Variants in PARP6 observed in about 807,000 individuals in gnomAD.
The protein encoded by PARP6 is poly(ADP-ribose) polymerase family member 6, also known as protein mono-ADP-ribosyltransferase PARP6.
Under a neutral mutation model 92.0 loss-of-function variants are expected in PARP6, and 27 were observed. The observed-to-expected ratio is 0.29, with a 90% CI of 0.22 to 0.40. The LOEUF is 0.40. Among genes scored for constraint, PARP6 ranks in the 10% least tolerant of loss-of-function variants. The pLI is 1.00. For synonymous variants in PARP6, 272 were observed against 281.2 expected, an observed-to-expected ratio of 0.97 and a Z score of 0.33; for missense variants, 501 against 784.5, an observed-to-expected ratio of 0.64 and a Z score of 4.32.
At chr15:72,250,260 T>C in intron 18 of PARP6, 168 bp from the exon 19 acceptor site, 1 of 609,584 alleles carries the variant, frequency 1.6e-6, no homozygotes, top group Non-Finnish European at 3.1e-6. Context: ...AAGATGTGTG[T>C]GTGTGGTTAA....
Position 72,251,235 on chromosome 15 carries a change from G to T in PARP6, c.1280C>A (p.Ser427Ter). 6.3e-7 allele frequency: 1 copy of T among 1,596,692 alleles called. No individual in the cohort carries two copies. The highest frequency in any genetic ancestry group is 8.6e-7 in the Non-Finnish European group (1 of 1,164,840). ...LLQWIISSNR[S>*]HIVKLPLSRL... is the part of the protein sequence containing the mutation. ...GCTGAGAGGTAGTTTGACAATGTGT[G>T]ACCTGTTGCTAGAGATGATCCTGGG... The change falls in exon 17 of 24, where the codon TCA becomes TAA. Residue 427 changes from serine to a stop codon, truncating the protein, a stop_gained. Coordinates refer to ENST00000569795, the MANE Select transcript of PARP6 (RefSeq NM_001323532.2). LOFTEE classifies it high-confidence loss of function.
chr15:72,266,837 T>C lies in PARP6; in HGVS notation c.4-15A>G. 6.3e-7 allele frequency: 1 copy of C among 1,599,264 alleles called. No individual in the cohort carries two copies. Among genetic ancestry groups the C allele is most frequent in the Non-Finnish European group, 8.6e-7 (1 of 1,166,528 alleles). ...CCTTTGATGTCCTAGTGGTGAGAAA[T>C]AAGGATATCATGCTTTGTTAGGTCC... On this transcript the variant is annotated splice_polypyrimidine_tract_variant and intron_variant, in intron 3 of 23. Coordinates refer to ENST00000569795, the MANE Select transcript of PARP6 (RefSeq NM_001323532.2).
chr15:72,266,445 T>TG (rs2086601184), intron 4 of PARP6, among the ~76,000 whole-genome samples: 1 of 152,170 alleles, frequency 6.6e-6, no homozygotes, highest in South Asian at 2.1e-4. Context: ...TTTTAAGATG[T>TG]GACCCTAATG....
At chr15:72,250,823 G>GCCCACCCCCCC in intron 18 of PARP6, 22 bp downstream of exon 18, 1 of 1,219,502 alleles carries the variant, frequency 8.2e-7, no homozygotes, top group Non-Finnish European at 1.2e-6. Context: ...CACCCCCACT[G>GCCCACCCCCCC]CCCAGCCCCC....
Position 72,254,532 on chromosome 15 carries a change from C to A in PARP6, c.1126-12G>T. The A allele has an allele frequency of 6.2e-7, 1 of 1,601,698 alleles. No homozygotes were observed. Among genetic ancestry groups the A allele is most frequent in the South Asian group, 1.1e-5 (1 of 90,792 alleles). On this transcript the variant is annotated splice_polypyrimidine_tract_variant and intron_variant, in intron 14 of 23. Coordinates refer to ENST00000569795, the MANE Select transcript of PARP6 (RefSeq NM_001323532.2). The stretch of plus-strand genomic sequence containing the variant: ...TCATAATTCTTCTTCTGTGGAGAAT[C>A]AATGGGAAGAGAAGAACCAAATAAA...
chr15:72,249,655 C>T (rs1377565957), intron 19 of PARP6, among the ~76,000 whole-genome samples: 1 of 152,250 alleles, frequency 6.6e-6, no homozygotes, highest in Non-Finnish European at 1.5e-5. Context: ...GGCCAATACA[C>T]ACTCCCTGGA....
chr15:72,252,636 C>T (rs1171073887), intron 16 of PARP6, among the ~76,000 whole-genome samples: 3 of 152,042 alleles, frequency 2.0e-5, no homozygotes, highest in African/African-American at 4.8e-5. Flanking sequence ...CAGGCATGGG[C>T]CACCATGCCC....
chr15:72,253,837 T>C (rs2084694043), intron 15 of PARP6: 1 of 486,654 alleles, frequency 2.1e-6, no homozygotes, highest in Middle Eastern at 3.1e-4. Context: ...AATCCTGTGG[T>C]AAATCTTTAA....
chr15:72,267,909 G>T (rs1015923991), intron 2 of PARP6, among the ~76,000 whole-genome samples: 3 of 152,010 alleles, frequency 2.0e-5, no homozygotes, highest in African/African-American at 7.2e-5. Flanking sequence ...CTGCTGCCAC[G>T]CCCAGCTAAT....
chr15:72,272,540 CGAGCGGCCCGGGACGCCCCGCGGGGGCG>C (rs897528406), exon 1 of PARP6: 12 of 150,864 alleles, frequency 8.0e-5, no homozygotes, highest in South Asian at 4.1e-4. Context: ...GCCGACGGGA[CGAGCGGCCCGGGACGCCCCGCGGGGGCG>C]GAGCGGCAGG....
intron 2 of PARP6, among the ~76,000 whole-genome samples, chr15:72,268,886 C>T (rs536228303): frequency 6.6e-6 from 1 of 152,132 alleles, no homozygotes; most frequent in Non-Finnish European, 1.5e-5. Context: ...ATTCCCTGCT[C>T]GCTTCTAATC....
At chr15:72,254,901 GC>G (rs1202810992) in intron 14 of PARP6, among the ~76,000 whole-genome samples, 21 of 152,252 alleles carry the variant, frequency 1.4e-4, no homozygotes, top group Admixed American at 3.9e-4. Context: ...ACTTGACTGG[GC>G]CATGAGGTAC....
At chr15:72,244,963 T>C (rs2083435544) in intron 20 of PARP6, 1 of 154,064 alleles carries the variant, frequency 6.5e-6, no homozygotes, top group Non-Finnish European at 1.4e-5. Flanking sequence ...ACATCTTAAA[T>C]GGATGGTGGC....
intron 2 of PARP6, among the ~76,000 whole-genome samples, chr15:72,269,899 CAAAAA>C (rs59023007): frequency 4.0e-5 from 4 of 100,218 alleles, no homozygotes; most frequent in Admixed American, 1.1e-4. Flanking sequence ...AACTCTGTCT[CAAAAA>C]AAAAAAAAAA....
At chr15:72,249,984 C>A in intron 19 of PARP6, 36 bp downstream of exon 19, 7 of 1,354,108 alleles carry the variant, frequency 5.2e-6, no homozygotes, top group Non-Finnish European at 7.4e-6. Context: ...GGGAAGGGAG[C>A]GGTTAGAAAT....
At chr15:72,268,554 TG>T (rs1407132026) in intron 2 of PARP6, among the ~76,000 whole-genome samples, 1 of 152,126 alleles carries the variant, frequency 6.6e-6, no homozygotes, top group Non-Finnish European at 1.5e-5. Flanking sequence ...CAAACTTAGC[TG>T]GGTGTGGTGG....
In PARP6 at chr15:72,272,420, A is replaced by G. The variant is rs1430472121; in HGVS notation, c.-487T>C. The G allele has an allele frequency of 5.3e-5, 8 of 152,312 alleles. No individual in the cohort carries two copies. Among genetic ancestry groups the G allele is most frequent in the Admixed American group, 3.3e-4 (5 of 15,274 alleles). The allele number at this position is 152,312 out of a possible 1,614,324, so 9.4% of individuals were successfully genotyped here. A position where few individuals can be genotyped will look rare whatever the true frequency, so the allele number is the denominator to read the frequency against. Reference sequence around the variant, plus strand: ...CGTCCACCCCTGCGGAGACGGGGCGAGCCCCGCACCCTTCCCGTGGCCCGG... The same window carrying G: ...CGTCCACCCCTGCGGAGACGGGGCGGGCCCCGCACCCTTCCCGTGGCCCGG... On this transcript the variant is annotated 5_prime_UTR_variant, in exon 1 of 24. Coordinates refer to ENST00000569795, the MANE Select transcript of PARP6 (RefSeq NM_001323532.2).
chr15:72,255,050 C>T (rs2084883492), intron 14 of PARP6, among the ~76,000 whole-genome samples: 1 of 152,096 alleles, frequency 6.6e-6, no homozygotes. Flanking sequence ...CAATCGATGA[C>T]CTAAATAGAA....
chr15:72,254,978 T>C (rs1164275417), intron 14 of PARP6, among the ~76,000 whole-genome samples: 1 of 152,152 alleles, frequency 6.6e-6, no homozygotes, highest in Non-Finnish European at 1.5e-5. Flanking sequence ...GAGATTAACA[T>C]TTGAATCAGC....
Sources: gnomAD v4.1 joint callset for allele counts (sites outside exome capture counted in the v4.1 genomes callset) on GRCh38, gnomAD v4.1.1 for gene constraint, MANE v1.5 for transcripts, NCBI Gene and HGNC (gene_info 2026-07-23, HGNC 2026-07-21) for gene names.